The following NRXN1 variants were observed in gnomAD, a reference collection of about 807,000 sequenced individuals.
NRXN1 encodes the protein neurexin-1.
Under a neutral mutation model 150.9 loss-of-function variants are expected in NRXN1, and 39 were observed. The ratio of observed to expected loss-of-function variants is 0.26; its 90% CI spans 0.20 to 0.34. The LOEUF is 0.34. Ranked by LOEUF, NRXN1 falls within the 10% of genes least tolerant of loss-of-function variation. The pLI is 1.00. For missense variants in NRXN1, 1,815 were observed against 1,949.9 expected, an observed-to-expected ratio of 0.93 and a Z score of 1.30; for synonymous variants, 924 against 757.0, an observed-to-expected ratio of 1.22 and a Z score of -3.62.
chr2:50,321,746 C>T (rs911292915), intron 17 of NRXN1, among the ~76,000 whole-genome samples: 9 of 152,026 alleles, frequency 5.9e-5, no homozygotes, highest in Non-Finnish European at 1.0e-4. Context: ...TTAATACTAT[C>T]TTCCATTCTA....
chr2:50,318,860 G>A (rs2075812773), intron 17 of NRXN1, among the ~76,000 whole-genome samples: 1 of 152,020 alleles, frequency 6.6e-6, no homozygotes, highest in Non-Finnish European at 1.5e-5. Context: ...GATAGGTACT[G>A]CTGTATTTAT....
chr2:50,371,050 G>A (rs1448333975), intron 17 of NRXN1, among the ~76,000 whole-genome samples: 3 of 151,948 alleles, frequency 2.0e-5, no homozygotes, highest in African/African-American at 4.8e-5. Flanking sequence ...GCACATGCAT[G>A]ATTGTATATA....
intron 18 of NRXN1, among the ~76,000 whole-genome samples, chr2:50,184,109 G>A (rs975583280): frequency 6.6e-6 from 1 of 151,990 alleles, no homozygotes; most frequent in Non-Finnish European, 1.5e-5. Flanking sequence ...TTCTACAGAT[G>A]CATTAGCTAA....
At chr2:50,921,710 T>TG (rs1476119610) in intron 5 of NRXN1, among the ~76,000 whole-genome samples, 159 bp downstream of exon 5, 8 of 151,794 alleles carry the variant, frequency 5.3e-5, no homozygotes, top group Admixed American at 5.3e-4. Flanking sequence ...AACATATTGA[T>TG]GGATTTTTCT....
In NRXN1 at chr2:50,347,594, CG is replaced by C; in HGVS notation, c.3365-110625del. On this transcript the variant is annotated intron_variant, in intron 17 of 22. Transcript: ENST00000401669. The surrounding 1 kb of genome is among the most constrained non-coding windows in gnomAD (Gnocchi z 4.9). ...TCGCCTGCTCCCGAGGCAATCTCCG[CG>C]TCCGCCGCCTCCTGACACTTACGCC... The C allele has an allele frequency of 9.9e-7, 1 of 1,009,080 alleles. No individual in the cohort carries two copies. The highest frequency in any genetic ancestry group is 1.2e-6 in the Non-Finnish European group (1 of 844,278). The allele number at this position is 1,009,080 out of a possible 1,614,324, so 62.5% of individuals were successfully genotyped here. A position where few individuals can be genotyped will look rare whatever the true frequency, so the allele number is the denominator to read the frequency against.
At chr2:50,016,268 C>G (rs1055448659) in intron 21 of NRXN1, among the ~76,000 whole-genome samples, 1 of 152,060 alleles carries the variant, frequency 6.6e-6, no homozygotes, top group Non-Finnish European at 1.5e-5. Context: ...ACATTACTCA[C>G]AGAAGGCAAG....
intron 5 of NRXN1, among the ~76,000 whole-genome samples, chr2:50,705,891 A>G (rs1574176468): frequency 1.3e-5 from 2 of 152,180 alleles, no homozygotes; most frequent in Non-Finnish European, 2.9e-5. Context: ...ATAAACAAAA[A>G]CAATCAGAGG....
chr2:50,068,171 AT>A (rs537615460), intron 19 of NRXN1, among the ~76,000 whole-genome samples: 9 of 151,726 alleles, frequency 5.9e-5, no homozygotes, highest in African/African-American at 1.2e-4. Context: ...GGAATGCAAG[AT>A]TTTTTTTTCA....
chr2:50,718,152 G>A (rs1696106855), intron 5 of NRXN1, among the ~76,000 whole-genome samples: 1 of 152,120 alleles, frequency 6.6e-6, no homozygotes, highest in Non-Finnish European at 1.5e-5. Context: ...TAGGTTAAAT[G>A]CATGGTTTTT....
chr2:50,411,371 C>G (rs993607558), intron 17 of NRXN1, among the ~76,000 whole-genome samples: 3 of 152,024 alleles, frequency 2.0e-5, no homozygotes, highest in Admixed American at 6.6e-5. Flanking sequence ...GATCTCGGCT[C>G]GCTACAACCT....
At chr2:50,478,469 A>T (rs1205386461) in intron 15 of NRXN1, among the ~76,000 whole-genome samples, 3 of 152,110 alleles carry the variant, frequency 2.0e-5, no homozygotes, top group Non-Finnish European at 4.4e-5. Flanking sequence ...GAGACACAAG[A>T]TCTGTGTCTG....
At chr2:50,814,759 C>T (rs1444888675) in intron 5 of NRXN1, among the ~76,000 whole-genome samples, 1 of 152,114 alleles carries the variant, frequency 6.6e-6, no homozygotes, top group Admixed American at 6.6e-5. Flanking sequence ...GTATTTGATA[C>T]ATTTTATTCT....
chr2:50,753,543 C>G (rs1008890854), intron 5 of NRXN1, among the ~76,000 whole-genome samples: 5 of 151,900 alleles, frequency 3.3e-5, no homozygotes, highest in Admixed American at 2.0e-4. Flanking sequence ...GGGACTCTGT[C>G]ACCCACTTGC....
intron 22 of NRXN1, among the ~76,000 whole-genome samples, chr2:49,924,947 A>G (rs1668830251): frequency 6.6e-6 from 1 of 152,190 alleles, no homozygotes; most frequent in Non-Finnish European, 1.5e-5. Flanking sequence ...TTATGCTTCA[A>G]ATCTGAAGGC....
intron 17 of NRXN1, among the ~76,000 whole-genome samples, chr2:50,393,099 G>A (rs984366218): frequency 3.4e-4 from 52 of 151,684 alleles, no homozygotes; most frequent in African/African-American, 1.2e-3. Context: ...TCTCAAGAGA[G>A]AAGCCATTCT....
intron 17 of NRXN1, among the ~76,000 whole-genome samples, chr2:50,281,392 T>C (rs1353578538): frequency 6.6e-6 from 1 of 152,074 alleles, no homozygotes; most frequent in East Asian, 1.9e-4. Context: ...TCCTTTTTGT[T>C]TGAAACATGA....
intron 15 of NRXN1, among the ~76,000 whole-genome samples, chr2:50,493,897 T>A (rs1292999458): frequency 6.6e-6 from 1 of 152,230 alleles, no homozygotes; most frequent in African/African-American, 2.4e-5. Flanking sequence ...TAATACTATG[T>A]AATATGCCAT....
chr2:51,024,377 A>G (rs964801203), intron 2 of NRXN1, among the ~76,000 whole-genome samples: 1 of 152,062 alleles, frequency 6.6e-6, no homozygotes, highest in African/African-American at 2.4e-5. Context: ...TCCCTTGAAT[A>G]TAACACCTGA....
At chr2:49,940,618 A>C (rs961073220) in intron 22 of NRXN1, among the ~76,000 whole-genome samples, 9 of 152,320 alleles carry the variant, frequency 5.9e-5, no homozygotes, top group Non-Finnish European at 1.2e-4. Flanking sequence ...AAAAAGTTGG[A>C]AAATAGGAAA....
Sources: allele counts gnomAD v4.1 joint callset (sites outside exome capture counted in the v4.1 genomes callset), GRCh38; gene constraint gnomAD v4.1.1; non-coding constraint Gnocchi (gnomAD v3.1); transcripts MANE v1.5; gene names NCBI Gene and HGNC (gene_info 2026-07-23, HGNC 2026-07-21).